Variants in CLEC16A observed in about 807,000 individuals in gnomAD.
The protein encoded by CLEC16A is protein CLEC16A.
In CLEC16A, 51 loss-of-function variants were observed where a neutral mutation model predicts 109.5. The observed-to-expected ratio is 0.47, with a 90% CI of 0.37 to 0.59. The LOEUF (loss-of-function observed/expected upper bound fraction) is 0.59, where lower values mean the gene tolerates loss of function less well. CLEC16A is among the 20% of genes least tolerant of loss of function. CLEC16A has a pLI of 0.00. For missense variants in CLEC16A, 1,339 were observed against 1,394.0 expected (o/e 0.96, Z 0.63); for synonymous variants, 673 against 564.2 (o/e 1.19, Z -2.73).
intron 13 of CLEC16A, among the ~76,000 whole-genome samples, chr16:11,026,841 G>T (rs1220128844): frequency 4.6e-5 from 7 of 152,154 alleles, no homozygotes; most frequent in South Asian, 2.1e-4. Context: ...CCTGGAAGCG[G>T]TGCAACTTTT....
At chr16:11,090,388 T>C (rs1306338944) in intron 19 of CLEC16A, among the ~76,000 whole-genome samples, 1 of 152,134 alleles carries the variant, frequency 6.6e-6, no homozygotes, top group African/African-American at 2.4e-5. Flanking sequence ...GAATGATTCT[T>C]AGGGGCCATT....
At chr16:11,119,427 C>T (rs1187757710) in intron 19 of CLEC16A, among the ~76,000 whole-genome samples, 1 of 152,182 alleles carries the variant, frequency 6.6e-6, no homozygotes, top group Non-Finnish European at 1.5e-5. Flanking sequence ...AGGTCTCTGT[C>T]ATCCAGGCTG....
chr16:10,998,462 C>A (rs8062322), intron 10 of CLEC16A, among the ~76,000 whole-genome samples: 54,545 of 152,070 alleles, frequency 0.36, 10,311 homozygotes, highest in African/African-American at 0.48. Context: ...GACATGTAGA[C>A]CTTCTTTGCA....
chr16:11,120,135 AAT>A (rs2052297950), intron 19 of CLEC16A, among the ~76,000 whole-genome samples: 1 of 152,166 alleles, frequency 6.6e-6, no homozygotes, highest in Non-Finnish European at 1.5e-5. Context: ...ACACCCAGCT[AAT>A]CTTTTGTAGT....
At chr16:11,137,644 A>G (rs1344613151) in intron 22 of CLEC16A, among the ~76,000 whole-genome samples, 1 of 149,492 alleles carries the variant, frequency 6.7e-6, no homozygotes, top group Non-Finnish European at 1.5e-5. Flanking sequence ...TCCCATCTCT[A>G]CTAAAAATAC....
intron 22 of CLEC16A, among the ~76,000 whole-genome samples, chr16:11,133,866 G>T (rs1042593153): frequency 6.6e-4 from 101 of 152,156 alleles, no homozygotes; most frequent in Non-Finnish European, 9.8e-4. Flanking sequence ...CCCTTTCCCA[G>T]CCTTCAGCTC....
At chr16:11,152,175 G>A (rs1214305634) in intron 22 of CLEC16A, among the ~76,000 whole-genome samples, 1 of 152,154 alleles carries the variant, frequency 6.6e-6, no homozygotes, top group Non-Finnish European at 1.5e-5. Flanking sequence ...GGAAAACATC[G>A]ATCTCAAATG....
intron 19 of CLEC16A, among the ~76,000 whole-genome samples, chr16:11,090,049 T>C (rs1487020161): frequency 6.6e-6 from 1 of 152,122 alleles, no homozygotes; most frequent in Non-Finnish European, 1.5e-5. Context: ...GCTTGGTCGT[T>C]GTTTATTTTA....
intron 11 of CLEC16A, among the ~76,000 whole-genome samples, chr16:11,012,455 C>T (rs1052734835): frequency 9.9e-5 from 15 of 151,852 alleles, no homozygotes; most frequent in Admixed American, 3.9e-4. Context: ...ATTAACCAGG[C>T]GGAATGGCAC....
At chr16:11,130,163 G>A (rs573658185) in intron 22 of CLEC16A, among the ~76,000 whole-genome samples, 8 of 152,314 alleles carry the variant, frequency 5.3e-5, no homozygotes, top group East Asian at 3.9e-4. Flanking sequence ...GGTTGCCTGC[G>A]TGGGAACCTT....
intron 11 of CLEC16A, among the ~76,000 whole-genome samples, chr16:11,012,051 C>T (rs1314642362): frequency 6.6e-6 from 1 of 152,052 alleles, no homozygotes; most frequent in Non-Finnish European, 1.5e-5. Context: ...TTTACTTATC[C>T]CCATATAGAG....
At chr16:10,950,422 C>T (rs1246147227) in intron 1 of CLEC16A, among the ~76,000 whole-genome samples, 1 of 152,188 alleles carries the variant, frequency 6.6e-6, no homozygotes, top group African/African-American at 2.4e-5. Flanking sequence ...CCAGTTTAGT[C>T]ACAGCACCTG....
At chr16:11,033,325 G>A (rs2046849785) in intron 13 of CLEC16A, among the ~76,000 whole-genome samples, 2 of 152,158 alleles carry the variant, frequency 1.3e-5, no homozygotes, top group African/African-American at 4.8e-5. Flanking sequence ...GCCTGGGTAA[G>A]GCTCAGGTTC....
chr16:11,172,523 T>C (rs913509006), intron 23 of CLEC16A, among the ~76,000 whole-genome samples: 1 of 152,250 alleles, frequency 6.6e-6, no homozygotes, highest in Non-Finnish European at 1.5e-5. Flanking sequence ...ACAGTGTGAA[T>C]GTCAGCCTGC....
intron 2 of CLEC16A, among the ~76,000 whole-genome samples, chr16:10,960,547 G>A (rs145584040): frequency 7.1e-4 from 108 of 152,208 alleles, no homozygotes; most frequent in East Asian, 2.5e-3. Flanking sequence ...ACCTGGTTAA[G>A]GTGCTGTCTG....
chr16:11,088,654 A>T (rs913578567), intron 19 of CLEC16A, among the ~76,000 whole-genome samples: 5 of 152,046 alleles, frequency 3.3e-5, no homozygotes, highest in African/African-American at 1.2e-4. Flanking sequence ...GAGGGCTGTG[A>T]TGTGCGGCTA....
Position 11,166,358 on chromosome 16 carries a change from CACTTGGTCACCTGGT to C in CLEC16A, c.2642-25_2642-11del, listed in dbSNP as rs2068259978. The C allele has an allele frequency of 6.4e-7, 1 of 1,573,606 alleles. No individual in the cohort carries two copies. Among genetic ancestry groups the C allele is most frequent in the South Asian group, 1.1e-5 (1 of 88,210 alleles). On this transcript the variant is annotated splice_polypyrimidine_tract_variant and intron_variant, in intron 22 of 23. Transcript: ENST00000409790. ...GGCCCTCAGGCCTACTCTTTGCTTC[CACTTGGTCACCTGGT>C]ACTTTGTCTTGCAGGCTTCGCCGTG...
intron 17 of CLEC16A, among the ~76,000 whole-genome samples, chr16:11,049,559 C>G (rs949056625): frequency 6.6e-6 from 1 of 152,140 alleles, no homozygotes; most frequent in Non-Finnish European, 1.5e-5. Context: ...CAGAGAAATA[C>G]AAAGGTGCCA....
At chr16:11,176,858 G>A (rs1422080009) in intron 23 of CLEC16A, among the ~76,000 whole-genome samples, 3 of 152,192 alleles carry the variant, frequency 2.0e-5, no homozygotes, top group Non-Finnish European at 2.9e-5. Flanking sequence ...CTTTCGCTCC[G>A]TGATGGGAGC....
Sources: gnomAD v4.1 joint callset for allele counts (sites outside exome capture counted in the v4.1 genomes callset) on GRCh38, gnomAD v4.1.1 for gene constraint, MANE v1.5 for transcripts, NCBI Gene and HGNC (gene_info 2026-07-23, HGNC 2026-07-21) for gene names.